DYRK1A: variants seen among roughly 807,000 people sequenced by gnomAD.
DYRK1A encodes the protein dual specificity tyrosine phosphorylation regulated kinase 1A, also known as dual specificity tyrosine-phosphorylation-regulated kinase 1A.
A neutral mutation model predicts 79.7 loss-of-function variants in DYRK1A; 9 were observed. That is an observed-to-expected ratio of 0.11 (90% CI 0.07 to 0.20). DYRK1A has a LOEUF of 0.20. DYRK1A is among the 10% of genes least tolerant of loss of function. DYRK1A has a pLI of 1.00. For synonymous variants in DYRK1A, 349 were observed against 329.7 expected, an observed-to-expected ratio of 1.06 and a Z score of -0.63; for missense variants, 622 against 956.0, an observed-to-expected ratio of 0.65 and a Z score of 4.61.
rs2053910042 is a variant in DYRK1A at position 37,519,136 on chromosome 21, G to A, written c.*6605G>A. The A allele has an allele frequency of 6.6e-6, 1 of 152,172 alleles. No homozygotes were observed. The highest frequency in any genetic ancestry group is 6.5e-5 in the Admixed American group (1 of 15,280). The allele number at this position is 152,172 out of a possible 1,614,324, so 9.4% of individuals were successfully genotyped here. ...ACATCCTATTCATTAATAGCTCTCA[G>A]ATGTCCCATGAGAATGGCACATGTT... is the stretch of plus-strand genomic sequence containing the variant. On this transcript the variant is annotated 3_prime_UTR_variant, in exon 12 of 12. Coordinates refer to ENST00000647188, the MANE Select transcript of DYRK1A (RefSeq NM_001347721.2).
At chr21:37,508,475 C>A (rs536362274) in intron 11 of DYRK1A, among the ~76,000 whole-genome samples, 2 of 152,098 alleles carry the variant, frequency 1.3e-5, no homozygotes, top group Non-Finnish European at 2.9e-5. Context: ...GTAGTAGAGA[C>A]GGGGTTTTGC....
Position 37,488,388 on chromosome 21 carries a change from T to C in DYRK1A, c.637+1774T>C, listed in dbSNP as rs931394495. ...TCATATTGATTTTTATGATGTAAAT[T>C]AGTTTTAAAGTGATTGATGAGTCTG... On this transcript the variant is annotated intron_variant, in intron 6 of 11. Transcript: ENST00000647188. 36 of 844,020 alleles carry C rather than the reference T, an allele frequency of 4.3e-5. No homozygotes were observed. The African/African-American group carries it at 6.2e-4, about 15-fold the overall frequency. 52.3% of individuals were successfully genotyped at this position (844,020 alleles called of 1,614,324 possible).
intron 1 of DYRK1A, among the ~76,000 whole-genome samples, chr21:37,386,942 A>C (rs1441253918): frequency 6.6e-6 from 1 of 152,078 alleles, no homozygotes; most frequent in African/African-American, 2.4e-5. Context: ...TTCAGGAAAG[A>C]CTCACTAGAA....
chr21:37,403,481 G>A (rs950499879), intron 1 of DYRK1A, among the ~76,000 whole-genome samples: 2 of 151,792 alleles, frequency 1.3e-5, no homozygotes, highest in East Asian at 3.9e-4. Context: ...GCAAGGTCTT[G>A]TTCTGTCACC....
rs1383658092 is a variant in DYRK1A at position 37,516,979 on chromosome 21, T to C, written c.*4448T>C. 1.3e-5 allele frequency: 2 copies of C among 152,186 alleles called. No individual in the cohort carries two copies. Among genetic ancestry groups the C allele is most frequent in the Non-Finnish European group, 2.9e-5 (2 of 68,036 alleles). 9.4% of individuals were successfully genotyped at this position (152,186 alleles called of 1,614,324 possible). On this transcript the variant is annotated 3_prime_UTR_variant, in exon 12 of 12. Transcript: ENST00000647188. The stretch of plus-strand genomic sequence containing the variant: ...TCCCCATAATTTCCCATCTTTAGGG[T>C]ATGTCCCTGTTATCAGGTGTGGAAT...
intron 9 of DYRK1A, chr21:37,501,428 AAAGTG>A (rs1440671339): frequency 6.6e-6 from 1 of 152,058 alleles, no homozygotes; most frequent in Admixed American, 6.6e-5. Context: ...TTGTCCTCCC[AAAGTG>A]CTGGGGTTAC....
intron 1 of DYRK1A, among the ~76,000 whole-genome samples, chr21:37,406,636 A>T (rs541019125): frequency 3.3e-5 from 5 of 151,980 alleles, no homozygotes; most frequent in African/African-American, 1.2e-4. Flanking sequence ...CGGGAGGCAG[A>T]TGTTATAGTG....
intron 1 of DYRK1A, among the ~76,000 whole-genome samples, chr21:37,387,407 TC>T (rs1245921163): frequency 6.6e-6 from 1 of 152,248 alleles, no homozygotes; most frequent in Non-Finnish European, 1.5e-5. Context: ...ATCTTGTTTT[TC>T]TAAGAGTTAG....
At chr21:37,417,533 T>TTCTTTTTC (rs1555959266) in intron 1 of DYRK1A, among the ~76,000 whole-genome samples, 22 of 73,128 alleles carry the variant, frequency 3.0e-4, no homozygotes, top group East Asian at 5.2e-4. Context: ...CTTTTTCTTT[T>TTCTTTTTC]TTTTTTTTTT....
At chr21:37,434,027 G>A (rs1444410134) in intron 2 of DYRK1A, among the ~76,000 whole-genome samples, 3 of 152,106 alleles carry the variant, frequency 2.0e-5, no homozygotes, top group African/African-American at 7.2e-5. Flanking sequence ...ACGGGTTCCA[G>A]AATTCCTGAG....
At chr21:37,407,752 T>C (rs1262265198) in intron 1 of DYRK1A, among the ~76,000 whole-genome samples, 6 of 152,218 alleles carry the variant, frequency 3.9e-5, no homozygotes, top group Non-Finnish European at 8.8e-5. Context: ...AAATCAAATA[T>C]GACTTTGGGT....
At chr21:37,461,834 C>G (rs1006971377) in intron 2 of DYRK1A, among the ~76,000 whole-genome samples, 1 of 147,702 alleles carries the variant, frequency 6.8e-6, no homozygotes, top group Non-Finnish European at 1.5e-5. Flanking sequence ...TGAGTTGCCT[C>G]AGTGTGATTT....
Position 37,512,362 on chromosome 21 carries a change from C to A in DYRK1A, c.2096C>A (p.Pro699His), listed in dbSNP as rs910495553. The part of the protein sequence containing the change: ...MDVNLTVYSN[P>H]RQETGIAGHP... ...GTTAATTTGACCGTCTACTCCAATC[C>A]CCGCCAAGAGACTGGCATAGCTGGA... is the stretch of plus-strand genomic sequence containing the variant. Residue 699 changes from proline (P) to histidine (H), a missense_variant, in exon 12 of 12, where the codon CCC (proline) becomes CAC (histidine). Around this residue, in one of 5 missense-constraint regions of DYRK1A, gnomAD observed 292 missense variants for 316.7 expected, o/e 0.92. Transcript: ENST00000647188. The A allele has an allele frequency of 3.7e-6, 6 of 1,614,082 alleles. No homozygotes were observed. In the African/African-American group the frequency reaches 8.0e-5, roughly 22 times the overall value.
chr21:37,492,685 ATTAT>A (rs970799422), intron 7 of DYRK1A, among the ~76,000 whole-genome samples: 1 of 152,192 alleles, frequency 6.6e-6, no homozygotes, highest in East Asian at 1.9e-4. Context: ...GGAAGAAATA[ATTAT>A]TAGGGAAATA....
intron 2 of DYRK1A, among the ~76,000 whole-genome samples, chr21:37,426,936 G>A (rs13048677): frequency 0.54 from 73,740 of 137,178 alleles, 20,426 homozygotes; most frequent in African/African-American, 0.66. Context: ...AAAAAAAAAA[G>A]AGATGAATAA....
In DYRK1A at chr21:37,518,733, A is replaced by G. The variant is rs1254380914; in HGVS notation, c.*6202A>G. The G allele has an allele frequency of 1.3e-5, 2 of 149,812 alleles. No individual in the cohort carries two copies. The highest frequency in any genetic ancestry group is 3.9e-4 in the East Asian group (2 of 5,064). The allele number at this position is 149,812 out of a possible 1,614,324, so 9.3% of individuals were successfully genotyped here. A position where few individuals can be genotyped will look rare whatever the true frequency, so the allele number is the denominator to read the frequency against. On this transcript the variant is annotated 3_prime_UTR_variant, in exon 12 of 12. Transcript: ENST00000647188. ...CAGATTCAAGCGATTCTCGTGCCTC[A>G]GCCTTTCAAGTAGCTGGGATTACAG...
chr21:37,467,977 A>G (rs2052088617), intron 2 of DYRK1A, among the ~76,000 whole-genome samples: 1 of 152,166 alleles, frequency 6.6e-6, no homozygotes, highest in South Asian at 2.1e-4. Context: ...TAAATCCATC[A>G]TTGCGGAAAA....
At chr21:37,448,642 C>G (rs113585296) in intron 2 of DYRK1A, among the ~76,000 whole-genome samples, 15 of 152,178 alleles carry the variant, frequency 9.9e-5, no homozygotes, top group African/African-American at 3.6e-4. Context: ...TATTTAAACT[C>G]AAATATTGAG....
chr21:37,447,666 C>T (rs1055044584), intron 2 of DYRK1A, among the ~76,000 whole-genome samples: 3 of 152,120 alleles, frequency 2.0e-5, no homozygotes, highest in Admixed American at 6.5e-5. Context: ...ATTGTACTCA[C>T]GGCATTATAC....
Sources: gnomAD v4.1 joint callset for allele counts (sites outside exome capture counted in the v4.1 genomes callset) on GRCh38, gnomAD v4.1.1 for gene constraint, gnomAD v4.1.1 regional missense constraint, MANE v1.5 for transcripts, NCBI Gene and HGNC (gene_info 2026-07-23, HGNC 2026-07-21) for gene names.